The following GMDS variants were observed in gnomAD, a reference collection of about 807,000 sequenced individuals.
The protein encoded by GMDS is GDP-mannose 4,6 dehydratase.
A neutral mutation model predicts 49.9 loss-of-function variants in GMDS; 20 were observed. The ratio of observed to expected loss-of-function variants is 0.40; its 90% CI spans 0.28 to 0.58. The LOEUF (loss-of-function observed/expected upper bound fraction) is 0.58. Ranked by LOEUF, GMDS falls within the 20% of genes least tolerant of loss-of-function variation. GMDS has a pLI of 0.42. For missense variants in GMDS, 362 were observed against 481.4 expected, an observed-to-expected ratio of 0.75 and a Z score of 2.32; for synonymous variants, 177 against 178.6, an observed-to-expected ratio of 0.99 and a Z score of 0.07.
intron 9 of GMDS, among the ~76,000 whole-genome samples, chr6:1,665,116 A>G (rs1764198781): frequency 6.6e-6 from 1 of 152,150 alleles, no homozygotes; most frequent in Non-Finnish European, 1.5e-5. Flanking sequence ...TTATTATTAT[A>G]CTTTAAGTTC....
At chr6:1,777,168 G>A (rs182502873) in intron 7 of GMDS, among the ~76,000 whole-genome samples, 3 of 152,344 alleles carry the variant, frequency 2.0e-5, no homozygotes, top group Non-Finnish European at 2.9e-5. Context: ...TAATCCTCAC[G>A]CCGGCAGTGA....
At chr6:2,047,216 C>A (rs918348699) in intron 4 of GMDS, among the ~76,000 whole-genome samples, 6 of 152,150 alleles carry the variant, frequency 3.9e-5, no homozygotes, top group African/African-American at 1.4e-4. Flanking sequence ...CACTGGAACA[C>A]AAATCTTTTG....
chr6:1,793,327 G>T (rs1374052383), intron 7 of GMDS, among the ~76,000 whole-genome samples: 1 of 152,178 alleles, frequency 6.6e-6, no homozygotes, highest in African/African-American at 2.4e-5. Flanking sequence ...AGAGATAGAG[G>T]TTAACATGAG....
intron 4 of GMDS, among the ~76,000 whole-genome samples, chr6:2,104,336 G>C (rs1394955951): frequency 6.6e-6 from 1 of 152,148 alleles, no homozygotes; most frequent in Non-Finnish European, 1.5e-5. Context: ...CTATATTCTT[G>C]TGTTATCAAT....
chr6:2,123,195 C>T (rs188452426), intron 2 of GMDS, among the ~76,000 whole-genome samples: 10 of 152,328 alleles, frequency 6.6e-5, no homozygotes, highest in Admixed American at 2.6e-4. Context: ...CTCGCCCTGT[C>T]ACTGTCACTG....
intron 9 of GMDS, among the ~76,000 whole-genome samples, chr6:1,678,354 G>A (rs1371774589): frequency 6.6e-6 from 1 of 152,140 alleles, no homozygotes; most frequent in Non-Finnish European, 1.5e-5. Flanking sequence ...CCCAATGCTG[G>A]CTCCAGTGGC....
At chr6:1,830,173 G>A (rs576451127) in intron 7 of GMDS, among the ~76,000 whole-genome samples, 7 of 152,242 alleles carry the variant, frequency 4.6e-5, no homozygotes, top group African/African-American at 1.4e-4. Context: ...GTGGCTGTTG[G>A]CTATCATGTG....
chr6:1,807,479 G>C (rs1770228009), intron 7 of GMDS, among the ~76,000 whole-genome samples: 1 of 152,156 alleles, frequency 6.6e-6, no homozygotes, highest in East Asian at 1.9e-4. Flanking sequence ...TAATCAAGGG[G>C]TAGACCCATG....
intron 7 of GMDS, among the ~76,000 whole-genome samples, chr6:1,820,212 A>G (rs1770836378): frequency 6.6e-6 from 1 of 152,178 alleles, no homozygotes; most frequent in African/African-American, 2.4e-5. Context: ...GCTGCTACTC[A>G]TGTGTTACTG....
At chr6:1,988,163 C>G (rs756517872) in intron 4 of GMDS, among the ~76,000 whole-genome samples, 2 of 152,108 alleles carry the variant, frequency 1.3e-5, no homozygotes, top group Non-Finnish European at 2.9e-5. Flanking sequence ...CAATTTAACA[C>G]CAAGATGATG....
chr6:1,921,654 A>C (rs751197740), intron 7 of GMDS, among the ~76,000 whole-genome samples: 29 of 152,206 alleles, frequency 1.9e-4, no homozygotes, highest in Non-Finnish European at 3.8e-4. Context: ...AAGATGCAGG[A>C]AACTGTTACA....
chr6:2,013,931 T>TATATATATATATATATATATATATATAC (rs2127397328), intron 4 of GMDS, among the ~76,000 whole-genome samples: 1 of 9,842 alleles, frequency 1.0e-4, no homozygotes, highest in South Asian at 0.014. Context: ...AAACCATATA[T>TATATATATATATATATATATATATATAC]ATATATATAT....
chr6:1,820,648 A>G (rs1214615355), intron 7 of GMDS, among the ~76,000 whole-genome samples: 2 of 152,232 alleles, frequency 1.3e-5, no homozygotes, highest in African/African-American at 4.8e-5. Flanking sequence ...ACCTACAGGA[A>G]TAAGCAGCAC....
At chr6:2,210,472 G>A (rs1343029287) in intron 1 of GMDS, among the ~76,000 whole-genome samples, 3 of 152,092 alleles carry the variant, frequency 2.0e-5, no homozygotes, top group African/African-American at 4.8e-5. Context: ...CTGGTGTAAC[G>A]CAGCCCCAGG....
intron 9 of GMDS, among the ~76,000 whole-genome samples, chr6:1,659,086 G>C (rs996529037): frequency 6.6e-6 from 1 of 152,140 alleles, no homozygotes; most frequent in Admixed American, 6.5e-5. Flanking sequence ...GCCTCTGTGG[G>C]GCGTATGCAG....
chr6:1,872,464 C>A (rs531328064), intron 7 of GMDS, among the ~76,000 whole-genome samples: 2 of 152,260 alleles, frequency 1.3e-5, no homozygotes, highest in East Asian at 3.9e-4. Context: ...AGCATTTTTT[C>A]CCCAATCGCT....
At chr6:1,748,817 T>C (rs1411326235) in intron 7 of GMDS, among the ~76,000 whole-genome samples, 1 of 152,268 alleles carries the variant, frequency 6.6e-6, no homozygotes, top group Non-Finnish European at 1.5e-5. Context: ...TTTCTTTGAC[T>C]CTACAGAGAA....
At chr6:1,629,756 C>G (rs1472775858) in intron 9 of GMDS, among the ~76,000 whole-genome samples, 2 of 152,186 alleles carry the variant, frequency 1.3e-5, no homozygotes, top group African/African-American at 4.8e-5. Context: ...TTAAAATCCT[C>G]TGACCACCCC....
chr6:2,084,350 A>G (rs1268223054), intron 4 of GMDS, among the ~76,000 whole-genome samples: 3 of 152,174 alleles, frequency 2.0e-5, no homozygotes, highest in Non-Finnish European at 4.4e-5. Context: ...CTTTTTCATC[A>G]AGTGGTTGGA....
Sources: allele counts gnomAD v4.1 joint callset (sites outside exome capture counted in the v4.1 genomes callset), GRCh38; gene constraint gnomAD v4.1.1; transcripts MANE v1.5; gene names NCBI Gene and HGNC (gene_info 2026-07-23, HGNC 2026-07-21).